Variants in SEL1L3 observed in about 807,000 individuals in gnomAD.
SEL1L3 encodes the protein SEL1L family member 3.
Under a neutral mutation model 142.8 loss-of-function variants are expected in SEL1L3, and 76 were observed. The observed-to-expected ratio is 0.53, with a 90% CI of 0.44 to 0.64. The LOEUF (loss-of-function observed/expected upper bound fraction) is 0.64. Ranked by LOEUF, SEL1L3 falls within the 30% of genes least tolerant of loss-of-function variation. The pLI is 0.00. For missense variants in SEL1L3, 1,262 were observed against 1,381.7 expected (o/e 0.91, Z 1.37); for synonymous variants, 504 against 519.6 (o/e 0.97, Z 0.41).
At chr4:25,716,906 C>G in the SEL1L3 span, among the ~76,000 whole-genome samples, 1 of 152,120 alleles carries the variant, frequency 6.6e-6, no homozygotes, top group Non-Finnish European at 1.5e-5. Flanking sequence ...GCAGATGGAT[C>G]TCTTGAGCCC....
At chr4:25,855,517 A>G (rs1717195688) in intron 1 of SEL1L3, among the ~76,000 whole-genome samples, 2 of 152,252 alleles carry the variant, frequency 1.3e-5, no homozygotes, top group South Asian at 4.1e-4. Flanking sequence ...GCACTTTGGG[A>G]GGCCGAGGCG....
At chr4:25,805,483 T>A (rs1713493825) in intron 9 of SEL1L3, among the ~76,000 whole-genome samples, 1 of 152,210 alleles carries the variant, frequency 6.6e-6, no homozygotes, top group Non-Finnish European at 1.5e-5. Context: ...GAGTTCACAG[T>A]CACCCTGATG....
intron 17 of SEL1L3, among the ~76,000 whole-genome samples, chr4:25,776,013 A>T (rs945299794): frequency 6.6e-6 from 1 of 152,234 alleles, no homozygotes; most frequent in Non-Finnish European, 1.5e-5. Flanking sequence ...TAAAGGAAAG[A>T]GAAATCAATG....
At chr4:25,732,815 G>A in the SEL1L3 span, among the ~76,000 whole-genome samples, 2 of 152,082 alleles carry the variant, frequency 1.3e-5, no homozygotes, top group Non-Finnish European at 2.9e-5. Flanking sequence ...TTGACTCACT[G>A]GAAGGCTTAC....
intron 16 of SEL1L3, chr4:25,777,784 G>C: frequency 2.2e-6 from 1 of 455,510 alleles, no homozygotes; most frequent in South Asian, 1.6e-5. Flanking sequence ...TTATCACCAA[G>C]GTCAGGTCAG....
At chr4:25,821,418 G>A (rs543090557) in intron 7 of SEL1L3, among the ~76,000 whole-genome samples, 1 of 152,136 alleles carries the variant, frequency 6.6e-6, no homozygotes, top group Non-Finnish European at 1.5e-5. Context: ...CCTCTCCCCC[G>A]ACCAGTCCAG....
At chr4:25,852,577 G>A (rs538514421) in intron 1 of SEL1L3, among the ~76,000 whole-genome samples, 95 of 152,302 alleles carry the variant, frequency 6.2e-4, no homozygotes, top group African/African-American at 2.2e-3. Flanking sequence ...CCAATGGGTG[G>A]CCAACACGCC....
chr4:25,723,737 GT>G, the SEL1L3 span, among the ~76,000 whole-genome samples: 1 of 152,056 alleles, frequency 6.6e-6, no homozygotes, highest in Non-Finnish European at 1.5e-5. Context: ...CCAGCTGCTG[GT>G]CCTCACAGCT....
At chr4:25,853,664 C>CTTTTTTTTT (rs34922528) in intron 1 of SEL1L3, among the ~76,000 whole-genome samples, 6 of 83,044 alleles carry the variant, frequency 7.2e-5, no homozygotes, top group African/African-American at 1.1e-4. Context: ...CTCTTCTTAC[C>CTTTTTTTTT]TTTTTTTTTT....
intron 14 of SEL1L3, among the ~76,000 whole-genome samples, chr4:25,782,703 C>G (rs1220994161): frequency 1.3e-5 from 2 of 152,176 alleles, no homozygotes; most frequent in Non-Finnish European, 2.9e-5. Flanking sequence ...TCTTACGCAA[C>G]ACGCTTGTCT....
At chr4:25,861,658 G>A (rs558222845) in intron 1 of SEL1L3, among the ~76,000 whole-genome samples, 2 of 139,054 alleles carry the variant, frequency 1.4e-5, no homozygotes, top group Non-Finnish European at 3.1e-5. Context: ...GGCATTCTGT[G>A]AATTTCCTAT....
At chr4:25,810,477 T>G (rs906396882) in intron 9 of SEL1L3, among the ~76,000 whole-genome samples, 6 of 152,018 alleles carry the variant, frequency 3.9e-5, no homozygotes, top group African/African-American at 1.5e-4. Flanking sequence ...AGGTAAGGTG[T>G]GACAAGAAAG....
Position 25,810,101 on chromosome 4 carries a change from T to C in SEL1L3, c.1565-5349A>G, listed in dbSNP as rs117826985. ...TCAGCCCAGGGAGCCGAGCCCAACC[T>C]TGGACCTGGCCCCATCCCAGAGAAC... On this transcript the variant is annotated intron_variant, in intron 9 of 23. Coordinates refer to ENST00000399878, the MANE Select transcript of SEL1L3 (RefSeq NM_015187.5). Among the ~76,000 whole-genome samples, 1,235 of 152,334 alleles carry C rather than the reference T, an allele frequency of 8.1e-3. 10 individuals are homozygous for C. The highest frequency in any genetic ancestry group is 0.014 in the Non-Finnish European group (922 of 68,026).
At chr4:25,852,471 T>C (rs1233765420) in intron 1 of SEL1L3, among the ~76,000 whole-genome samples, 2 of 152,216 alleles carry the variant, frequency 1.3e-5, no homozygotes, top group Non-Finnish European at 2.9e-5. Context: ...TGCCAAGATG[T>C]CGCCCCCATT....
chr4:25,847,237 T>C (rs752882852), intron 2 of SEL1L3, 57 bp downstream of exon 2: 38 of 1,423,800 alleles, frequency 2.7e-5, no homozygotes, highest in Non-Finnish European at 3.4e-5. Flanking sequence ...CATTCGATCA[T>C]GATACAGGCT....
chr4:25,863,468 G>T (rs186659310), upstream of SEL1L3: 2 of 692,442 alleles, frequency 2.9e-6, no homozygotes, highest in South Asian at 3.0e-5. Flanking sequence ...GTTCCCGCCC[G>T]TGCAATGGGT....
chr4:25,799,013 G>C (rs1484217785), intron 11 of SEL1L3, among the ~76,000 whole-genome samples: 1 of 152,122 alleles, frequency 6.6e-6, no homozygotes, highest in Non-Finnish European at 1.5e-5. Flanking sequence ...TTGGCTTGCA[G>C]ATGGCTGTCA....
intron 23 of SEL1L3, 78 bp downstream of exon 23, chr4:25,757,456 C>CAAAAA (rs1560277078): frequency 7.6e-6 from 4 of 527,184 alleles, no homozygotes; most frequent in Non-Finnish European, 8.1e-6. Context: ...TTCCAGTAGA[C>CAAAAA]CAAAAAAAAA....
the SEL1L3 span, among the ~76,000 whole-genome samples, chr4:25,731,520 A>C: frequency 6.6e-6 from 1 of 152,166 alleles, no homozygotes; most frequent in Non-Finnish European, 1.5e-5. Flanking sequence ...ACTTCGCCCA[A>C]GCAATCATTG....
Sources: gnomAD v4.1 joint callset for allele counts (sites outside exome capture counted in the v4.1 genomes callset) on GRCh38, gnomAD v4.1.1 for gene constraint, MANE v1.5 for transcripts, NCBI Gene and HGNC (gene_info 2026-07-23, HGNC 2026-07-21) for gene names.